Variants in PDGFC observed in about 807,000 individuals in gnomAD.
The protein encoded by PDGFC is platelet derived growth factor C.
PDGFC carries 12 observed loss-of-function variants against 35.5 expected under a neutral mutation model. That is an observed-to-expected ratio of 0.34 (90% confidence interval 0.22 to 0.55). The LOEUF (loss-of-function observed/expected upper bound fraction) is 0.55, where lower values mean the gene tolerates loss of function less well. Ranked by LOEUF, PDGFC falls within the 20% of genes least tolerant of loss-of-function variation. The pLI is 0.91. For synonymous variants in PDGFC, 159 were observed against 148.8 expected (o/e 1.07, Z -0.50); for missense variants, 322 against 412.4 (o/e 0.78, Z 1.90).
At chr4:156,785,210 T>C in intron 3 of PDGFC, among the ~76,000 whole-genome samples, 1 of 152,170 alleles carries the variant, frequency 6.6e-6, no homozygotes, top group Admixed American at 6.5e-5. Flanking sequence ...TGAATTTTTT[T>C]TTGAGACGGA....
intron 2 of PDGFC, among the ~76,000 whole-genome samples, chr4:156,811,256 C>T (rs1410754012): frequency 6.6e-6 from 1 of 152,058 alleles, no homozygotes; most frequent in Non-Finnish European, 1.5e-5. Context: ...ATTCCAAATT[C>T]ATTAAATAAC....
chr4:156,864,039 T>C (rs1388548277), intron 1 of PDGFC, among the ~76,000 whole-genome samples: 2 of 152,156 alleles, frequency 1.3e-5, no homozygotes, highest in African/African-American at 2.4e-5. Context: ...GTTCATTTGT[T>C]TGTTTTAACT....
At chr4:156,958,384 T>C (rs915013338) in intron 1 of PDGFC, among the ~76,000 whole-genome samples, 1 of 151,926 alleles carries the variant, frequency 6.6e-6, no homozygotes, top group Non-Finnish European at 1.5e-5. Context: ...TCCACCATTG[T>C]CTGTTGTTTT....
At chr4:156,897,478 T>G (rs1730662663) in intron 1 of PDGFC, among the ~76,000 whole-genome samples, 2 of 152,004 alleles carry the variant, frequency 1.3e-5, no homozygotes, top group African/African-American at 2.4e-5. Flanking sequence ...TTTCTGGCCC[T>G]GAAATCATGT....
At chr4:156,801,773 T>C (rs991661345) in intron 3 of PDGFC, among the ~76,000 whole-genome samples, 10 of 152,106 alleles carry the variant, frequency 6.6e-5, no homozygotes, top group Non-Finnish European at 1.3e-4. Flanking sequence ...ATTCTAAAGG[T>C]GTCTGTAAAA....
chr4:156,829,468 C>T (rs954416793), intron 2 of PDGFC, among the ~76,000 whole-genome samples: 1 of 152,102 alleles, frequency 6.6e-6, no homozygotes, highest in Non-Finnish European at 1.5e-5. Flanking sequence ...GGGCAATATC[C>T]CTAGGCAGAG....
At chr4:156,925,022 G>A (rs1216440750) in intron 1 of PDGFC, among the ~76,000 whole-genome samples, 1 of 152,122 alleles carries the variant, frequency 6.6e-6, no homozygotes, top group Admixed American at 6.5e-5. Context: ...GGAAGGAGGA[G>A]AACTTTATGC....
intron 1 of PDGFC, among the ~76,000 whole-genome samples, chr4:156,888,556 T>C (rs1404524265): frequency 6.6e-6 from 1 of 152,330 alleles, no homozygotes; most frequent in African/African-American, 2.4e-5. Flanking sequence ...AAATCTTTCT[T>C]GAGAAATCTC....
intron 2 of PDGFC, among the ~76,000 whole-genome samples, chr4:156,836,483 C>T (rs1473872693): frequency 3.3e-5 from 5 of 152,114 alleles, no homozygotes; most frequent in Non-Finnish European, 7.4e-5. Flanking sequence ...ACTGAAAACC[C>T]TTATTCTTTT....
intron 2 of PDGFC, among the ~76,000 whole-genome samples, chr4:156,846,074 A>G (rs1258439283): frequency 6.6e-6 from 1 of 151,812 alleles, no homozygotes; most frequent in Non-Finnish European, 1.5e-5. Context: ...GAAAACTTCA[A>G]AAAAATGCCT....
At chr4:156,764,804 A>G (rs1312153650) in intron 5 of PDGFC, among the ~76,000 whole-genome samples, 1 of 152,194 alleles carries the variant, frequency 6.6e-6, no homozygotes, top group Non-Finnish European at 1.5e-5. Flanking sequence ...TATTGGCACT[A>G]TTCCTTATCA....
chr4:156,810,328 A>G (rs1731897555), intron 3 of PDGFC, among the ~76,000 whole-genome samples: 2 of 151,932 alleles, frequency 1.3e-5, no homozygotes, highest in South Asian at 4.1e-4. Flanking sequence ...TATCTTAAAT[A>G]AGCTACATAA....
At chr4:156,969,141 A>T (rs1440026609) in intron 1 of PDGFC, among the ~76,000 whole-genome samples, 1 of 152,256 alleles carries the variant, frequency 6.6e-6, no homozygotes, top group Non-Finnish European at 1.5e-5. Context: ...AATAAAAAAC[A>T]GAAGCCAGGA....
At chr4:156,771,572 G>A (rs1730694263) in intron 4 of PDGFC, among the ~76,000 whole-genome samples, 1 of 152,120 alleles carries the variant, frequency 6.6e-6, no homozygotes, top group African/African-American at 2.4e-5. Flanking sequence ...ATTGCCAAAA[G>A]GAAACCACGT....
chr4:156,801,897 C>T (rs1731621751), intron 3 of PDGFC, among the ~76,000 whole-genome samples: 1 of 152,168 alleles, frequency 6.6e-6, no homozygotes, highest in Non-Finnish European at 1.5e-5. Flanking sequence ...TCCTTTTGTT[C>T]CTAAGTAGAC....
intron 3 of PDGFC, among the ~76,000 whole-genome samples, chr4:156,784,112 A>T (rs768527679): frequency 6.6e-6 from 1 of 152,228 alleles, no homozygotes; most frequent in Non-Finnish European, 1.5e-5. Context: ...GTGGCATTAA[A>T]TATAGAGGAC....
chr4:156,855,549 A>C (rs1729553991), intron 1 of PDGFC, among the ~76,000 whole-genome samples: 1 of 152,176 alleles, frequency 6.6e-6, no homozygotes, highest in Non-Finnish European at 1.5e-5. Flanking sequence ...ATGTCCTGTG[A>C]CATTTTGGAT....
chr4:156,833,709 C>T (rs939056891), intron 2 of PDGFC, among the ~76,000 whole-genome samples: 1 of 152,168 alleles, frequency 6.6e-6, no homozygotes, highest in African/African-American at 2.4e-5. Context: ...AATAGCATAT[C>T]TTAGAGCAAA....
intron 2 of PDGFC, among the ~76,000 whole-genome samples, chr4:156,812,382 T>A (rs1002014662): frequency 6.6e-6 from 1 of 152,144 alleles, no homozygotes; most frequent in African/African-American, 2.4e-5. Flanking sequence ...TAGATTTATA[T>A]AACATGCAGA....
Sources: allele counts gnomAD v4.1 joint callset (sites outside exome capture counted in the v4.1 genomes callset), GRCh38; gene constraint gnomAD v4.1.1; transcripts MANE v1.5; gene names NCBI Gene and HGNC (gene_info 2026-07-23, HGNC 2026-07-21).